Variants in ZNF385D observed in about 807,000 individuals in gnomAD.
The protein encoded by ZNF385D is zinc finger protein 659.
Under a neutral mutation model 35.8 loss-of-function variants are expected in ZNF385D, and 15 were observed. That is an observed-to-expected ratio of 0.42 (90% CI 0.28 to 0.64). The LOEUF (loss-of-function observed/expected upper bound fraction) is 0.64, where lower values mean the gene tolerates loss of function less well. Ranked by LOEUF, ZNF385D falls within the 30% of genes least tolerant of loss-of-function variation. The pLI is 0.23. For synonymous variants in ZNF385D, 212 were observed against 186.8 expected, an observed-to-expected ratio of 1.13 and a Z score of -1.10; for missense variants, 474 against 494.6, an observed-to-expected ratio of 0.96 and a Z score of 0.39.
intron 3 of ZNF385D, among the ~76,000 whole-genome samples, chr3:21,542,661 C>T (rs976671683): frequency 6.6e-6 from 1 of 151,978 alleles, no homozygotes; most frequent in African/African-American, 2.4e-5. Flanking sequence ...GAGGGGGGTA[C>T]CCTGGACAAA....
intron 3 of ZNF385D, among the ~76,000 whole-genome samples, chr3:21,784,183 T>C (rs2071599105): frequency 6.6e-6 from 1 of 152,166 alleles, no homozygotes; most frequent in South Asian, 2.1e-4. Flanking sequence ...AACCAGCCTA[T>C]AAAGCAGGAG....
intron 1 of ZNF385D, among the ~76,000 whole-genome samples, chr3:21,669,389 T>C (rs909761341): frequency 1.3e-4 from 20 of 152,288 alleles, no homozygotes; most frequent in Admixed American, 1.2e-3. Context: ...ATGCGAACTA[T>C]AGAATAAACA....
intron 2 of ZNF385D, among the ~76,000 whole-genome samples, chr3:22,260,533 G>C (rs1700574518): frequency 6.6e-6 from 1 of 151,752 alleles, no homozygotes; most frequent in South Asian, 2.1e-4. Flanking sequence ...AACTACATTA[G>C]AATTGATTTT....
At chr3:21,890,751 G>C (rs1309370737) in intron 3 of ZNF385D, among the ~76,000 whole-genome samples, 1 of 152,196 alleles carries the variant, frequency 6.6e-6, no homozygotes. Flanking sequence ...AAGTATTCAA[G>C]AGAAGCAGCA....
chr3:22,342,799 C>T (rs1695484598), intron 2 of ZNF385D, among the ~76,000 whole-genome samples: 1 of 152,206 alleles, frequency 6.6e-6, no homozygotes, highest in African/African-American at 2.4e-5. Context: ...ATAATTAAGT[C>T]ATGTGCCCAA....
intron 3 of ZNF385D, among the ~76,000 whole-genome samples, chr3:22,136,476 G>T (rs1237244934): frequency 6.6e-6 from 1 of 151,412 alleles, no homozygotes; most frequent in Non-Finnish European, 1.5e-5. Context: ...ACAAGTTATA[G>T]ATTGAGAGAA....
intron 3 of ZNF385D, among the ~76,000 whole-genome samples, chr3:21,770,432 A>G (rs1321587883): frequency 6.6e-6 from 1 of 152,236 alleles, no homozygotes; most frequent in Non-Finnish European, 1.5e-5. Context: ...GGCAAAGTAT[A>G]TGAACAGACA....
At chr3:21,857,438 G>T (rs777255779) in intron 3 of ZNF385D, among the ~76,000 whole-genome samples, 1 of 151,926 alleles carries the variant, frequency 6.6e-6, no homozygotes, top group Non-Finnish European at 1.5e-5. Flanking sequence ...GAGATTTTTT[G>T]TTGTTGTTGC....
chr3:21,917,338 A>G lies in ZNF385D; in HGVS notation c.325+251479T>C, dbSNP rs145804535. On this transcript the variant is annotated intron_variant, in intron 3 of 5. Coordinates refer to the ZNF385D transcript ENST00000494108. ...TCCCAGCTACTCAGAAAGCCGAGGC[A>G]AGAGAATCGCTTGAACTCAGGAGGG... 1.9e-3 allele frequency among the ~76,000 whole-genome samples: 292 copies of G among 152,238 alleles called. 4 individuals are homozygous for G. In the South Asian group the frequency reaches 0.027, roughly 14 times the overall value.
intron 4 of ZNF385D, among the ~76,000 whole-genome samples, chr3:21,457,039 T>C (rs1174820586): frequency 6.6e-6 from 1 of 152,154 alleles, no homozygotes; most frequent in Non-Finnish European, 1.5e-5. Flanking sequence ...GAATGTAAAA[T>C]CTACAAGGGC....
intron 3 of ZNF385D, among the ~76,000 whole-genome samples, chr3:21,555,675 C>T (rs959474647): frequency 5.9e-5 from 9 of 152,158 alleles, no homozygotes; most frequent in Non-Finnish European, 5.9e-5. Context: ...AGTAAACATG[C>T]GTGTGCTTGT....
chr3:22,093,621 A>C (rs1375781335), intron 3 of ZNF385D, among the ~76,000 whole-genome samples: 1 of 152,138 alleles, frequency 6.6e-6, no homozygotes, highest in Non-Finnish European at 1.5e-5. Flanking sequence ...CTACTATAAA[A>C]AATAAGAAAG....
At chr3:21,950,015 A>C (rs1242257454) in intron 3 of ZNF385D, among the ~76,000 whole-genome samples, 1 of 152,200 alleles carries the variant, frequency 6.6e-6, no homozygotes, top group African/African-American at 2.4e-5. Context: ...CACAATAAAC[A>C]TATGTGTGCA....
intron 3 of ZNF385D, among the ~76,000 whole-genome samples, chr3:21,932,166 CAAAAAAAAAAAAAA>C (rs543138588): frequency 1.8e-5 from 1 of 55,314 alleles, no homozygotes; most frequent in Non-Finnish European, 3.1e-5. Context: ...GACTCATTCT[CAAAAAAAAAAAAAA>C]AAAAAAAAAA....
intron 2 of ZNF385D, among the ~76,000 whole-genome samples, chr3:22,249,203 T>C (rs1699941880): frequency 6.6e-6 from 1 of 152,154 alleles, no homozygotes. Context: ...ATGAGCATAA[T>C]GCCATGGCTG....
At chr3:22,201,945 C>A (rs143997325) in intron 2 of ZNF385D, among the ~76,000 whole-genome samples, 12 of 151,630 alleles carry the variant, frequency 7.9e-5, no homozygotes, top group Non-Finnish European at 1.5e-4. Context: ...TAAAGATCAA[C>A]AAGAAAAAAT....
chr3:21,422,671 G>T (rs1488946284), intron 7 of ZNF385D, among the ~76,000 whole-genome samples: 1 of 152,186 alleles, frequency 6.6e-6, no homozygotes, highest in Non-Finnish European at 1.5e-5. Flanking sequence ...TCTGGGATGA[G>T]AGGTTGGTTC....
At chr3:21,705,256 A>T (rs2067853658) in intron 1 of ZNF385D, among the ~76,000 whole-genome samples, 1 of 152,250 alleles carries the variant, frequency 6.6e-6, no homozygotes, top group South Asian at 2.1e-4. Flanking sequence ...CCTGCTTAAT[A>T]AAATGTACCC....
At chr3:21,610,731 C>T (rs1267506017) in intron 2 of ZNF385D, among the ~76,000 whole-genome samples, 1 of 151,454 alleles carries the variant, frequency 6.6e-6, no homozygotes, top group African/African-American at 2.4e-5. Context: ...GCCGAGATCG[C>T]GCCACTGCAC....
Sources: allele counts gnomAD v4.1 joint callset (sites outside exome capture counted in the v4.1 genomes callset), GRCh38; gene constraint gnomAD v4.1.1; transcripts MANE v1.5; gene names NCBI Gene and HGNC (gene_info 2026-07-23, HGNC 2026-07-21).